Variants in EDA2R observed in about 807,000 individuals in gnomAD.
The protein encoded by EDA2R is ectodysplasin A2 receptor.
EDA2R carries 26 observed loss-of-function variants against 20.1 expected under a neutral mutation model. The observed-to-expected ratio is 1.30, with a 90% confidence interval of 0.95 to 1.80. The LOEUF is 1.80. EDA2R is among the 40% of genes most tolerant of loss of function. The pLI is 0.00. For missense variants in EDA2R, 277 were observed against 228.7 expected, an observed-to-expected ratio of 1.21 and a Z score of -1.36; for synonymous variants, 114 against 88.7, an observed-to-expected ratio of 1.29 and a Z score of -1.60.
chrX:66,614,328 A>G (rs1314050901), intron 2 of EDA2R, among the ~76,000 whole-genome samples: 2 of 111,833 alleles, frequency 1.8e-5, no homozygotes, highest in Non-Finnish European at 3.8e-5. Flanking sequence ...CCAACAAGCA[A>G]AAAGGTTGCC....
intron 4 of EDA2R, 67 bp from the exon 5 acceptor site, chrX:66,602,864 C>G (rs1490434018): frequency 4.6e-5 from 46 of 998,922 alleles, no homozygotes; most frequent in Non-Finnish European, 5.8e-5. Flanking sequence ...GACCCTGGAC[C>G]TGGACTTCCT....
chrX:66,604,571 C>T, intron 3 of EDA2R, 65 bp from the exon 4 acceptor site: 1 of 1,025,875 alleles, frequency 9.7e-7, no homozygotes, highest in Non-Finnish European at 1.3e-6. Context: ...ACCAGTTCTT[C>T]CTGGGAAAGC....
At chrX:66,607,714 C>T (rs770445995) in intron 2 of EDA2R, among the ~76,000 whole-genome samples, 154 of 111,445 alleles carry the variant, frequency 1.4e-3, no homozygotes, top group African/African-American at 4.8e-3. Flanking sequence ...CAAACAAAAC[C>T]AAAACCAAAA....
rs1928248934 is a variant in EDA2R at position 66,599,953 on chromosome X, C to T, written c.518-93G>A. 3.5e-6 allele frequency: 4 copies of T among 1,138,268 alleles called. No homozygotes were observed. The South Asian group carries it at 8.4e-5, about 24-fold the overall frequency. 93.8% of individuals were successfully genotyped at this position (1,138,268 alleles called of 1,213,427 possible). On this transcript the variant is annotated intron_variant, in intron 5 of 6. Coordinates refer to ENST00000374719, the MANE Select transcript of EDA2R (RefSeq NM_021783.5). ...TACTGAGTACAAGACAGGTAAAGGT[C>T]TGGGAGCTGATTCTTTCCTTCCTCT... is the stretch of plus-strand genomic sequence containing the variant.
At chrX:66,629,456 A>G (rs1341910456) in intron 1 of EDA2R, among the ~76,000 whole-genome samples, 1 of 111,872 alleles carries the variant, frequency 8.9e-6, no homozygotes, top group East Asian at 2.8e-4. Flanking sequence ...AGACTCCCTC[A>G]GAAAGCTCCT....
chrX:66,595,648 A>G lies in EDA2R; in HGVS notation c.*2456T>C, dbSNP rs1453283369. 3 of 112,271 alleles carry G rather than the reference A, an allele frequency of 2.7e-5. No individual in the cohort carries two copies. Among genetic ancestry groups the G allele is most frequent in the Non-Finnish European group, 5.6e-5 (3 of 53,160 alleles). The allele number at this position is 112,271 out of a possible 1,213,427, so 9.3% of individuals were successfully genotyped here. A position where few individuals can be genotyped will look rare whatever the true frequency, so the allele number is the denominator to read the frequency against. On this transcript the variant is annotated 3_prime_UTR_variant, in exon 7 of 7. Coordinates refer to ENST00000374719, the MANE Select transcript of EDA2R (RefSeq NM_021783.5). ...AGGAATAAACAAGGTTTTTGGATAT[A>G]TTTCTGTTTATTGGCCAATATGAAA...
At chrX:66,636,985 G>A (rs781273510) in intron 1 of EDA2R, among the ~76,000 whole-genome samples, 6 of 109,879 alleles carry the variant, frequency 5.5e-5, no homozygotes, top group Non-Finnish European at 9.5e-5. Context: ...ACTTCTAAAT[G>A]TCTTGTGGAA....
chrX:66,631,838 A>C (rs779675632), intron 1 of EDA2R, among the ~76,000 whole-genome samples: 16 of 112,097 alleles, frequency 1.4e-4, no homozygotes, highest in African/African-American at 4.9e-4. Context: ...GGTAAAAGAA[A>C]AGAAAATGCA....
At position 66,606,468 on chromosome X, in the gene EDA2R, T is replaced by C. The variant is rs1262681919; in HGVS notation, c.88-1242A>G. 3.6e-5 allele frequency among the ~76,000 whole-genome samples: 4 copies of C among 111,782 alleles called. No homozygotes were observed. In the East Asian group the frequency reaches 1.1e-3, roughly 31 times the overall value. On this transcript the variant is annotated intron_variant, in intron 2 of 6. Coordinates refer to ENST00000374719, the MANE Select transcript of EDA2R (RefSeq NM_021783.5). ...ACCCCTGGAAACCTTGGAATAAATA[T>C]ATTAAGAATGATAGCGGAAGCCAGA...
intron 2 of EDA2R, among the ~76,000 whole-genome samples, chrX:66,606,543 T>C (rs181832314): frequency 8.9e-6 from 1 of 111,796 alleles, no homozygotes; most frequent in East Asian, 2.8e-4. Flanking sequence ...TACAGAAACA[T>C]AGAAAAACAA....
intron 2 of EDA2R, among the ~76,000 whole-genome samples, chrX:66,611,781 AT>A (rs1389986347): frequency 1.9e-4 from 21 of 111,914 alleles, no homozygotes; most frequent in African/African-American, 6.8e-4. Flanking sequence ...TTTCAAACAA[AT>A]TGGAAGAAAA....
chrX:66,600,187 T>A, intron 5 of EDA2R: 1 of 654,310 alleles, frequency 1.5e-6, no homozygotes, highest in Non-Finnish European at 2.3e-6. Flanking sequence ...CTATGTACAT[T>A]AAGTTACATG....
chrX:66,599,738 G>A lies in EDA2R; in HGVS notation c.640C>T (p.Leu214Phe), dbSNP rs760870811. 3 of 1,208,385 alleles carry A rather than the reference G, an allele frequency of 2.5e-6. No individual in the cohort carries two copies. The highest frequency in any genetic ancestry group is 2.2e-5 in the Admixed American group (1 of 45,642). The change falls in exon 6 of 7, where the codon CTT becomes TTT. Residue 214 changes from leucine (L) to phenylalanine (F), a missense_variant. Leu to Phe is a conservative substitution (Grantham distance 22). Transcript: ENST00000374719. The stretch of plus-strand genomic sequence containing the variant: ...CAGTCGTCCTCGAGGATAGGGTTAA[G>A]TGGCTGGGTCTGAAAGATGTTCTCA... ...VSENIFQTQPLNPILEDDCSS... is the reference protein window; with the variant it reads ...VSENIFQTQPFNPILEDDCSS...
chrX:66,609,388 C>T (rs1371331331), intron 2 of EDA2R, among the ~76,000 whole-genome samples: 1 of 111,703 alleles, frequency 9.0e-6, no homozygotes, highest in African/African-American at 3.3e-5. Context: ...TTACTCAATG[C>T]CTTGCAGCCT....
At chrX:66,632,284 C>T (rs898056767) in intron 1 of EDA2R, among the ~76,000 whole-genome samples, 1 of 110,944 alleles carries the variant, frequency 9.0e-6, no homozygotes, top group African/African-American at 3.3e-5. Context: ...ATTAGCCAGG[C>T]GTGGTGGTGC....
At chrX:66,617,296 C>T (rs765881942) in intron 1 of EDA2R, among the ~76,000 whole-genome samples, 2 of 111,931 alleles carry the variant, frequency 1.8e-5, no homozygotes, top group Non-Finnish European at 3.8e-5. Context: ...CCATTCTTTC[C>T]CATTCCTTCA....
At chrX:66,626,318 A>G in intron 1 of EDA2R, among the ~76,000 whole-genome samples, 1 of 112,216 alleles carries the variant, frequency 8.9e-6, no homozygotes, top group East Asian at 2.8e-4. Context: ...CCATAAAGAA[A>G]AAACAATAAA....
chrX:66,625,011 G>A (rs777258776), intron 1 of EDA2R, among the ~76,000 whole-genome samples: 8 of 111,898 alleles, frequency 7.1e-5, no homozygotes, highest in East Asian at 2.8e-4. Flanking sequence ...AGGAAGCAGC[G>A]GGAAAAGCCC....
chrX:66,599,416 A>T, intron 6 of EDA2R, 58 bp downstream of exon 6: 1 of 1,041,181 alleles, frequency 9.6e-7, no homozygotes, highest in South Asian at 2.5e-5. Flanking sequence ...CCTTGAGGTT[A>T]GTCCTTAATT....
Sources: gnomAD v4.1 joint callset for allele counts (sites outside exome capture counted in the v4.1 genomes callset) on GRCh38, gnomAD v4.1.1 for gene constraint, MANE v1.5 for transcripts, NCBI Gene and HGNC (gene_info 2026-07-23, HGNC 2026-07-21) for gene names.